The following CHDH variants were observed in gnomAD, a reference collection of about 807,000 sequenced individuals.
CHDH encodes choline dehydrogenase, mitochondrial.
In CHDH, 43 loss-of-function variants were observed where a neutral mutation model predicts 56.9. The ratio of observed to expected loss-of-function variants is 0.76; its 90% CI spans 0.59 to 0.97. The LOEUF (loss-of-function observed/expected upper bound fraction) is 0.97. Ranked by LOEUF, CHDH falls within the 50% of genes least tolerant of loss-of-function variation. The probability of loss-of-function intolerance (pLI) is 0.00; values close to 1 mark genes in which losing one functional copy is unlikely to be tolerated. For synonymous variants in CHDH, 364 were observed against 348.5 expected, an observed-to-expected ratio of 1.04 and a Z score of -0.50; for missense variants, 816 against 821.1, an observed-to-expected ratio of 0.99 and a Z score of 0.08.
At chr3:53,833,664 A>G (rs1283847700) in intron 2 of CHDH, among the ~76,000 whole-genome samples, 2 of 152,122 alleles carry the variant, frequency 1.3e-5, no homozygotes, top group Non-Finnish European at 1.5e-5. Context: ...TTGGTGAGGT[A>G]GCATCCAAGG....
In CHDH at chr3:53,813,071, T is replaced by C. The variant is rs1193526010; in HGVS notation, c.*4706A>G. 1 of 151,884 alleles carries C rather than the reference T, an allele frequency of 6.6e-6. No homozygotes were observed. The highest frequency in any genetic ancestry group is 1.5e-5 in the Non-Finnish European group (1 of 68,018). 9.4% of individuals were successfully genotyped at this position (151,884 alleles called of 1,614,324 possible). A position where few individuals can be genotyped will look rare whatever the true frequency, so the allele number is the denominator to read the frequency against. ...CAGGGATTCCCTGCAATCAAAAAGA[T>C]AGATGATAGGTAGCAATTTTGGTCC... On this transcript the variant is annotated 3_prime_UTR_variant, in exon 9 of 9. Transcript: ENST00000315251.
intron 1 of CHDH, among the ~76,000 whole-genome samples, chr3:53,843,188 C>CT (rs10636132): frequency 0.093 from 11,570 of 124,938 alleles, 776 homozygotes; most frequent in East Asian, 0.23. Context: ...CCCCCCCCAC[C>CT]TTTTTTTTTT....
At chr3:53,836,421 A>G (rs1010493367) in intron 2 of CHDH, among the ~76,000 whole-genome samples, 9 of 152,118 alleles carry the variant, frequency 5.9e-5, no homozygotes, top group African/African-American at 2.2e-4. Context: ...CTTCCTCCCC[A>G]GGGCCTTTGC....
intron 2 of CHDH, among the ~76,000 whole-genome samples, chr3:53,830,880 T>C (rs1486302546): frequency 1.3e-5 from 2 of 150,466 alleles, no homozygotes; most frequent in Admixed American, 1.3e-4. Flanking sequence ...GTTTGACAAC[T>C]ATCTGCACAA....
In CHDH at chr3:53,819,787, C is replaced by T; in HGVS notation, c.1121-113G>A. On this transcript the variant is annotated intron_variant, in intron 6 of 8. Coordinates refer to ENST00000315251, the MANE Select transcript of CHDH (RefSeq NM_018397.5). This position sits in a 1 kb window ranked among gnomAD's most constrained non-coding sequence, Gnocchi z 5.4. ...CCGCTCCTCTTCCTTTTCCCGGACTCCACTCTAGTGCCTGGACCCAAGTCC... is the reference window on the plus strand; with the variant it reads ...CCGCTCCTCTTCCTTTTCCCGGACTTCACTCTAGTGCCTGGACCCAAGTCC... 1 of 1,302,546 alleles carries T rather than the reference C, an allele frequency of 7.7e-7. No individual in the cohort carries two copies. The highest frequency in any genetic ancestry group is 1.0e-6 in the Non-Finnish European group (1 of 966,780). The allele number at this position is 1,302,546 out of a possible 1,614,324, so 80.7% of individuals were successfully genotyped here. A position where few individuals can be genotyped will look rare whatever the true frequency, so the allele number is the denominator to read the frequency against.
chr3:53,815,429 A>G lies in CHDH; in HGVS notation c.*2348T>C, dbSNP rs2095614098. ...CTGGGGTGAATGAAAGACTCCCTTC[A>G]TGGCAGGGGAACGCTCAGGTTCTGG... On this transcript the variant is annotated 3_prime_UTR_variant, in exon 9 of 9. Coordinates refer to ENST00000315251, the MANE Select transcript of CHDH (RefSeq NM_018397.5). The G allele has an allele frequency of 6.6e-6, 1 of 152,176 alleles. No homozygotes were observed. Among genetic ancestry groups the G allele is most frequent in the Admixed American group, 6.5e-5 (1 of 15,284 alleles). The allele number at this position is 152,176 out of a possible 1,614,324, so 9.4% of individuals were successfully genotyped here. A position where few individuals can be genotyped will look rare whatever the true frequency, so the allele number is the denominator to read the frequency against.
intron 2 of CHDH, among the ~76,000 whole-genome samples, chr3:53,831,036 A>G (rs112368844): frequency 0.022 from 3,325 of 152,278 alleles, 129 homozygotes; most frequent in African/African-American, 0.074. Context: ...AGGGGAGCCC[A>G]CTGCCCTGAA....
At chr3:53,831,340 C>T (rs1698327946) in intron 2 of CHDH, among the ~76,000 whole-genome samples, 1 of 152,230 alleles carries the variant, frequency 6.6e-6, no homozygotes, top group African/African-American at 2.4e-5. Flanking sequence ...AAACTTGCCG[C>T]CCCAAAGGGA....
rs2095633966 is a variant in CHDH at position 53,823,923 on chromosome 3, G to T, written c.86C>A (p.Ala29Asp). Residue 29 changes from alanine (A) to aspartate (D), a missense_variant, in exon 3 of 9, where the codon GCC becomes GAC. Coordinates refer to ENST00000315251, the MANE Select transcript of CHDH (RefSeq NM_018397.5). ...LGQQQSLGAR[A>D]LASAGSESRD... ...GCTCTCAGAGCCTGCGCTGGCCAGG[G>T]CCCGGGCACCCAGGGATTGCTGCTG... 3 of 1,547,514 alleles carry T rather than the reference G, an allele frequency of 1.9e-6. No homozygotes were observed. Among genetic ancestry groups the T allele is most frequent in the Non-Finnish European group, 1.7e-6 (2 of 1,154,786 alleles).
chr3:53,841,501 G>A (rs752874318), intron 1 of CHDH, among the ~76,000 whole-genome samples: 1 of 152,210 alleles, frequency 6.6e-6, no homozygotes, highest in East Asian at 1.9e-4. Flanking sequence ...CTCACTGCAA[G>A]GTCCAGGTTG....
Position 53,818,034 on chromosome 3 carries a change from A to T in CHDH, c.1528T>A (p.Tyr510Asn). The change falls in exon 9 of 9, where the codon TAC (tyrosine) becomes AAC (asparagine). Residue 510 changes from tyrosine (Y) to asparagine (N), a missense_variant. By Grantham distance (143) the Tyr-to-Asn change is moderately radical. Transcript: ENST00000315251. ...ATCTTACAGGTGCACGAGGGGTGGT[A>T]GGCGCTGTCGGCTTTTGCCCGCACA... ...AFVRAKADSAYHPSCTCKMGQ... is the reference protein window; with the variant it reads ...AFVRAKADSANHPSCTCKMGQ... 1 of 1,614,200 alleles carries T rather than the reference A, an allele frequency of 6.2e-7. No individual in the cohort carries two copies. Among genetic ancestry groups the T allele is most frequent in the Non-Finnish European group, 8.5e-7 (1 of 1,180,042 alleles).
Position 53,817,987 on chromosome 3 carries a change from A to T in CHDH, c.1575T>A (p.Thr525=). ...CCCTTGTCTGCGGATCCACCACGGC[A>T]GTGGGATCGGAGGGCTGGCCCATCT... ...TCKMGQPSDP[T]AVVDPQTRVL... Residue 525 remains threonine (T), a synonymous_variant, in exon 9 of 9, where the codon ACT becomes ACA. Transcript: ENST00000315251. The T allele has an allele frequency of 6.2e-7, 1 of 1,614,194 alleles. No homozygotes were observed. The highest frequency in any genetic ancestry group is 8.5e-7 in the Non-Finnish European group (1 of 1,180,034).
intron 3 of CHDH, 83 bp downstream of exon 3, chr3:53,823,223 A>C (rs2095631325): frequency 7.7e-7 from 1 of 1,293,678 alleles, no homozygotes. Context: ...TGCTGGAGCC[A>C]GGAGCCTGGA....
intron 2 of CHDH, among the ~76,000 whole-genome samples, chr3:53,840,491 T>G (rs560144763): frequency 9.0e-4 from 136 of 151,450 alleles, no homozygotes; most frequent in African/African-American, 3.2e-3. Flanking sequence ...CTTGCCACTG[T>G]ACTCCAGCCT....
rs1054224326 is a variant in CHDH at position 53,817,724 on chromosome 3, G to C, written c.*53C>G. 11 of 1,482,866 alleles carry C rather than the reference G, an allele frequency of 7.4e-6. No individual in the cohort carries two copies. In the Admixed American group the frequency reaches 2.0e-4, roughly 27 times the overall value. 91.9% of individuals were successfully genotyped at this position (1,482,866 alleles called of 1,614,324 possible). On this transcript the variant is annotated 3_prime_UTR_variant, in exon 9 of 9. Coordinates refer to ENST00000315251, the MANE Select transcript of CHDH (RefSeq NM_018397.5). ...GAGCCTGGGAGCAAGGGCTGTGCTG[G>C]CCCTCTTGGCTTATCAGGGGGCTTC...
rs749066657 is a variant in CHDH, at chr3:53,823,373, C to T, written c.636G>A (p.Pro212=). Residue 212 remains proline (P), a synonymous_variant, in exon 3 of 9, where the codon CCG becomes CCA. Transcript: ENST00000315251. The part of the protein sequence containing the change: ...FLEATQQAGY[P]LTEDMNGFQQ... ...GGAAGCCATTCATGTCCTCGGTGAG[C>T]GGGTAGCCGGCCTGCTGCGTGGCCT... 37 of 1,604,804 alleles carry T rather than the reference C, an allele frequency of 2.3e-5. No individual in the cohort carries two copies. Among genetic ancestry groups the T allele is most frequent in the East Asian group, 6.7e-5 (3 of 44,466 alleles).
intron 8 of CHDH, 69 bp downstream of exon 8, chr3:53,818,869 G>T: frequency 2.1e-6 from 2 of 956,358 alleles, no homozygotes; most frequent in Non-Finnish European, 3.5e-6. Flanking sequence ...GTATGATTCA[G>T]GGATAAACAG....
chr3:53,819,459 G>A lies in CHDH; in HGVS notation c.1263+73C>T. ...ATGGCACCAGGGAGAATGCTGCCTT[G>A]GAAGATGGGAGCATCTTCCTTCCTG... On this transcript the variant is annotated intron_variant, in intron 7 of 8. Transcript: ENST00000315251. This position sits in a 1 kb window ranked among gnomAD's most constrained non-coding sequence, Gnocchi z 5.4. 1 of 1,536,228 alleles carries A rather than the reference G, an allele frequency of 6.5e-7. No homozygotes were observed. The highest frequency in any genetic ancestry group is 1.3e-5 in the South Asian group (1 of 78,936).
In CHDH at chr3:53,821,738, G is replaced by A; in HGVS notation, c.894C>T (p.Ala298=). 1.9e-6 allele frequency: 3 copies of A among 1,614,050 alleles called. No individual in the cohort carries two copies. Among genetic ancestry groups the A allele is most frequent in the Non-Finnish European group, 2.5e-6 (3 of 1,179,956 alleles). The change falls in exon 5 of 9, where the codon GCC becomes GCT. Residue 298 remains alanine, a synonymous_variant. Coordinates refer to ENST00000315251, the MANE Select transcript of CHDH (RefSeq NM_018397.5). ...ASKEVILSGG[A]INSPQLLMLS... is the part of the protein sequence containing the mutation. Reference sequence around the variant, plus strand: ...GCATGAGCAGCTGTGGAGAGTTGATGGCACCTCCACTCAGAATCACCTCCT... The same window carrying A: ...GCATGAGCAGCTGTGGAGAGTTGATAGCACCTCCACTCAGAATCACCTCCT...
Sources: gnomAD v4.1 joint callset for allele counts (sites outside exome capture counted in the v4.1 genomes callset) on GRCh38, gnomAD v4.1.1 for gene constraint, Gnocchi (gnomAD v3.1) non-coding constraint, MANE v1.5 for transcripts, NCBI Gene and HGNC (gene_info 2026-07-23, HGNC 2026-07-21) for gene names.